PDE10A: variants seen among roughly 807,000 people sequenced by gnomAD.
PDE10A encodes the protein cAMP and cAMP-inhibited cGMP 3',5'-cyclic phosphodiesterase 10A.
PDE10A carries 39 observed loss-of-function variants against 97.7 expected under a neutral mutation model. The observed-to-expected ratio is 0.40, with a 90% CI of 0.31 to 0.52. The LOEUF is 0.52. Among genes scored for constraint, PDE10A ranks in the 20% least tolerant of loss-of-function variants. The probability of loss-of-function intolerance (pLI) is 0.56; values close to 1 mark genes in which losing one functional copy is unlikely to be tolerated. For synonymous variants in PDE10A, 371 were observed against 376.8 expected (o/e 0.98, Z 0.18); for missense variants, 731 against 1,047.8 (o/e 0.70, Z 4.17).
At chr6:165,905,022 T>A (rs1782221738) in intron 1 of PDE10A, among the ~76,000 whole-genome samples, 1 of 152,216 alleles carries the variant, frequency 6.6e-6, no homozygotes, top group South Asian at 2.1e-4. Flanking sequence ...TATTTAGTCA[T>A]TATGAGCTTT....
At chr6:165,699,854 C>T (rs144711459) in intron 1 of PDE10A, among the ~76,000 whole-genome samples, 12 of 152,204 alleles carry the variant, frequency 7.9e-5, no homozygotes, top group African/African-American at 2.6e-4. Flanking sequence ...AAATTTACAG[C>T]TGTAAATACT....
chr6:165,532,171 G>A (rs1020606375), intron 2 of PDE10A, among the ~76,000 whole-genome samples: 6 of 151,986 alleles, frequency 3.9e-5, no homozygotes, highest in African/African-American at 9.6e-5. Flanking sequence ...AGCTCCTCCC[G>A]TCTCGGGGCT....
At chr6:165,414,237 C>A (rs1788140779) in intron 12 of PDE10A, among the ~76,000 whole-genome samples, 1 of 152,202 alleles carries the variant, frequency 6.6e-6, no homozygotes, top group Admixed American at 6.5e-5. Context: ...ATTCTGCCAT[C>A]ACCCCACAAG....
chr6:165,410,915 C>T (rs1282610039), intron 13 of PDE10A, among the ~76,000 whole-genome samples: 2 of 93,134 alleles, frequency 2.1e-5, no homozygotes, highest in Admixed American at 1.1e-4. Context: ...GGTGAAACCC[C>T]GTCTCTACTA....
chr6:165,925,746 C>T (rs1782913718), intron 1 of PDE10A, among the ~76,000 whole-genome samples: 1 of 152,172 alleles, frequency 6.6e-6, no homozygotes, highest in Non-Finnish European at 1.5e-5. Context: ...TTGGCTGTGG[C>T]TGTTTGAGGT....
chr6:165,362,882 T>C (rs73030132), intron 18 of PDE10A, among the ~76,000 whole-genome samples: 2,506 of 152,270 alleles, frequency 0.016, 38 homozygotes, highest in Non-Finnish European at 0.019. Flanking sequence ...CTGATATCTA[T>C]CATAGGAATG....
intron 1 of PDE10A, among the ~76,000 whole-genome samples, chr6:165,916,532 C>G (rs2323122): frequency 0.32 from 47,920 of 151,830 alleles, 7,843 homozygotes; most frequent in Non-Finnish European, 0.36. Flanking sequence ...TCTTACGGGA[C>G]AACACTGCAT....
At chr6:165,390,827 G>A (rs1785656699) in intron 16 of PDE10A, among the ~76,000 whole-genome samples, 1 of 152,164 alleles carries the variant, frequency 6.6e-6, no homozygotes, top group South Asian at 2.1e-4. Flanking sequence ...ATAATTGGAA[G>A]GGAAATCTCG....
At chr6:165,890,653 T>C (rs893598277) in intron 1 of PDE10A, among the ~76,000 whole-genome samples, 9 of 152,172 alleles carry the variant, frequency 5.9e-5, no homozygotes, top group Non-Finnish European at 1.2e-4. Flanking sequence ...CGCAAAGACG[T>C]TCCTGCCTTT....
chr6:165,868,481 CA>C (rs1010568520), intron 1 of PDE10A, among the ~76,000 whole-genome samples: 1 of 151,756 alleles, frequency 6.6e-6, no homozygotes, highest in African/African-American at 2.4e-5. Flanking sequence ...AAAACCTAAA[CA>C]GACCAGTAAA....
chr6:165,888,031 A>G (rs1376886702), intron 1 of PDE10A, among the ~76,000 whole-genome samples: 1 of 152,136 alleles, frequency 6.6e-6, no homozygotes, highest in African/African-American at 2.4e-5. Context: ...TTTCTGAGAC[A>G]TGCTGGGGAT....
chr6:165,787,806 C>T (rs746610336), intron 1 of PDE10A, among the ~76,000 whole-genome samples: 8 of 152,116 alleles, frequency 5.3e-5, no homozygotes, highest in Non-Finnish European at 1.0e-4. Context: ...CACTCCACTG[C>T]GAAGTCAATC....
chr6:165,402,486 CTGA>C (rs1463936488), intron 13 of PDE10A, among the ~76,000 whole-genome samples: 2 of 152,008 alleles, frequency 1.3e-5, no homozygotes, highest in Non-Finnish European at 2.9e-5. Flanking sequence ...ATGCAAACTA[CTGA>C]TGAAGGTAGA....
chr6:165,553,050 T>G (rs918597864), intron 1 of PDE10A, among the ~76,000 whole-genome samples: 7 of 152,292 alleles, frequency 4.6e-5, no homozygotes, highest in Non-Finnish European at 1.0e-4. Context: ...AAAGCCTACA[T>G]GAGATTCTTT....
intron 1 of PDE10A, among the ~76,000 whole-genome samples, chr6:165,886,674 G>A (rs550772042): frequency 1.1e-4 from 16 of 152,166 alleles, no homozygotes; most frequent in South Asian, 6.2e-4. Context: ...ATGTTGGCTT[G>A]GTTTGGGGTT....
intron 1 of PDE10A, among the ~76,000 whole-genome samples, chr6:165,692,907 C>A (rs1188575178): frequency 2.0e-5 from 3 of 152,186 alleles, no homozygotes; most frequent in Non-Finnish European, 4.4e-5. Context: ...ACTAAATCCG[C>A]AGTGTCTGTA....
intron 1 of PDE10A, among the ~76,000 whole-genome samples, chr6:165,956,059 G>T (rs992251215): frequency 6.6e-6 from 1 of 152,202 alleles, no homozygotes. Context: ...TGGGAAAATT[G>T]TCAAGGGTTC....
rs1039739260 is a variant in PDE10A at position 165,655,628 on chromosome 6, C to T, written c.865+6319G>A. Among the ~76,000 whole-genome samples the T allele has an allele frequency of 8.5e-5, 13 of 152,172 alleles. No individual in the cohort carries two copies. The highest frequency in any genetic ancestry group is 3.1e-4 in the African/African-American group (13 of 41,440). On this transcript the variant is annotated intron_variant, in intron 1 of 21. Transcript: ENST00000539869. This position sits in a 1 kb window ranked among gnomAD's most constrained non-coding sequence, Gnocchi z 4.5. ...GCTCTTGTCTTGACTATGACAGTAG[C>T]ATCCATGGACTCCCTGTATCCACGA...
intron 2 of PDE10A, among the ~76,000 whole-genome samples, chr6:165,527,847 T>C (rs1280407836): frequency 6.6e-6 from 1 of 152,004 alleles, no homozygotes; most frequent in African/African-American, 2.4e-5. Context: ...TCATGGGGAG[T>C]TCCCTATGAT....
Sources: gnomAD v4.1 joint callset for allele counts (sites outside exome capture counted in the v4.1 genomes callset) on GRCh38, gnomAD v4.1.1 for gene constraint, Gnocchi (gnomAD v3.1) non-coding constraint, MANE v1.5 for transcripts, NCBI Gene and HGNC (gene_info 2026-07-23, HGNC 2026-07-21) for gene names.